The following LRRIQ3 variants were observed in gnomAD, a reference collection of about 807,000 sequenced individuals.
LRRIQ3 encodes leucine rich repeats and IQ motif containing 3.
LRRIQ3 carries 75 observed loss-of-function variants against 59.3 expected under a neutral mutation model. The ratio of observed to expected loss-of-function variants is 1.26; its 90% confidence interval spans 1.05 to 1.53. The LOEUF is 1.53. Among genes scored for constraint, LRRIQ3 ranks in the 40% most tolerant of loss-of-function variants. LRRIQ3 has a pLI of 0.00. For missense variants in LRRIQ3, 831 were observed against 710.0 expected (o/e 1.17, Z -1.94); for synonymous variants, 250 against 231.3 (o/e 1.08, Z -0.73).
chr1:74,169,605 C>T (rs1289204103), intron 3 of LRRIQ3, among the ~76,000 whole-genome samples: 1 of 151,964 alleles, frequency 6.6e-6, no homozygotes, highest in Non-Finnish European at 1.5e-5. Context: ...GGCTGGTGTG[C>T]CACTGGCAAA....
intron 5 of LRRIQ3, among the ~76,000 whole-genome samples, chr1:74,093,670 G>C (rs901971822): frequency 6.6e-6 from 1 of 152,018 alleles, no homozygotes; most frequent in Non-Finnish European, 1.5e-5. Context: ...ACCAGGGCTG[G>C]TATGAAAACT....
intron 6 of LRRIQ3, among the ~76,000 whole-genome samples, chr1:74,047,568 G>A (rs1159666693): frequency 6.6e-6 from 1 of 151,894 alleles, no homozygotes; most frequent in African/African-American, 2.4e-5. Context: ...TTCTGCACAT[G>A]TACCCCAGAA....
intron 5 of LRRIQ3, among the ~76,000 whole-genome samples, chr1:74,092,647 A>T (rs1646407395): frequency 6.6e-6 from 1 of 152,076 alleles, no homozygotes; most frequent in South Asian, 2.1e-4. Context: ...TTTGAGAGAA[A>T]AAAAAATCTG....
At chr1:74,173,387 G>A (rs1329273657) in intron 3 of LRRIQ3, among the ~76,000 whole-genome samples, 1 of 151,158 alleles carries the variant, frequency 6.6e-6, no homozygotes, top group South Asian at 2.1e-4. Flanking sequence ...TAATAGTAAG[G>A]CTAATGATTA....
chr1:74,039,904 T>C (rs1044337398), intron 7 of LRRIQ3, among the ~76,000 whole-genome samples: 1 of 152,096 alleles, frequency 6.6e-6, no homozygotes, highest in African/African-American at 2.4e-5. Flanking sequence ...CCAGATAGCA[T>C]CATGATGACA....
chr1:74,111,827 C>A (rs947980039), intron 4 of LRRIQ3, among the ~76,000 whole-genome samples: 3 of 152,060 alleles, frequency 2.0e-5, no homozygotes, highest in African/African-American at 7.2e-5. Flanking sequence ...AACATAGGAT[C>A]CCTCTACTAC....
intron 4 of LRRIQ3, among the ~76,000 whole-genome samples, chr1:74,114,959 T>A (rs992716417): frequency 5.9e-5 from 9 of 151,976 alleles, no homozygotes; most frequent in African/African-American, 2.2e-4. Flanking sequence ...ATTATATGAT[T>A]AATTTTACAT....
At chr1:74,082,927 T>C (rs1646288803) in intron 5 of LRRIQ3, 1 of 151,644 alleles carries the variant, frequency 6.6e-6, no homozygotes, top group Non-Finnish European at 1.5e-5. Context: ...TTTTAGGATT[T>C]CAGAATATTT....
chr1:74,100,449 G>T (rs977131038), intron 5 of LRRIQ3, among the ~76,000 whole-genome samples: 22 of 152,198 alleles, frequency 1.4e-4, no homozygotes, highest in Non-Finnish European at 2.5e-4. Flanking sequence ...TCATGGATAG[G>T]AAGAATCAAT....
chr1:74,101,998 T>G (rs1182713762), intron 5 of LRRIQ3, among the ~76,000 whole-genome samples: 1 of 151,548 alleles, frequency 6.6e-6, no homozygotes, highest in Admixed American at 6.6e-5. Context: ...ACATGGCACA[T>G]GTATACATAT....
In LRRIQ3 at chr1:74,127,628, C is replaced by CT. The variant is rs1646955400; in HGVS notation, c.708-18076dup. On this transcript the variant is annotated intron_variant, in intron 4 of 7. Coordinates refer to ENST00000354431, the MANE Select transcript of LRRIQ3 (RefSeq NM_001105659.2). ...TTCGACACTGGACTTCATCCTTCTG[C>CT]TTTTTAACTTTTTGTTGCTTCTATT... is the stretch of plus-strand genomic sequence containing the variant. Among the ~76,000 whole-genome samples, 6 of 151,714 alleles carry CT rather than the reference C, an allele frequency of 4.0e-5. 1 individual carries two copies. The South Asian group carries it at 1.2e-3, about 32-fold the overall frequency.
chr1:74,058,850 T>A (rs1307063045), intron 6 of LRRIQ3, among the ~76,000 whole-genome samples: 1 of 152,124 alleles, frequency 6.6e-6, no homozygotes, highest in African/African-American at 2.4e-5. Flanking sequence ...ATAATTATTA[T>A]GTATTAATTA....
intron 1 of LRRIQ3, among the ~76,000 whole-genome samples, chr1:74,184,645 T>A (rs889486289): frequency 8.5e-5 from 13 of 152,136 alleles, no homozygotes; most frequent in African/African-American, 3.1e-4. Context: ...TAAGTGTCAA[T>A]GAATTAATTA....
intron 3 of LRRIQ3, among the ~76,000 whole-genome samples, chr1:74,162,694 ATTTTTATC>A (rs1441255246): frequency 6.6e-6 from 1 of 151,774 alleles, no homozygotes; most frequent in Admixed American, 6.6e-5. Context: ...TACTTATATA[ATTTTTATC>A]TTCCCTACTT....
chr1:74,071,664 A>C (rs2100471022), intron 6 of LRRIQ3, among the ~76,000 whole-genome samples: 1 of 152,228 alleles, frequency 6.6e-6, no homozygotes, highest in East Asian at 1.9e-4. Context: ...TAATTTGATA[A>C]GCCAATCATG....
intron 4 of LRRIQ3, among the ~76,000 whole-genome samples, chr1:74,150,916 G>C (rs1300654396): frequency 6.8e-6 from 1 of 147,314 alleles, no homozygotes; most frequent in South Asian, 2.1e-4. Flanking sequence ...CACCTTATAT[G>C]TTTTAAGAAA....
At chr1:74,156,447 C>CA (rs1648333344) in intron 3 of LRRIQ3, among the ~76,000 whole-genome samples, 1 of 150,976 alleles carries the variant, frequency 6.6e-6, no homozygotes, top group African/African-American at 2.4e-5. Flanking sequence ...AGTAAAAGAA[C>CA]AATAATTAGT....
intron 4 of LRRIQ3, among the ~76,000 whole-genome samples, chr1:74,137,214 T>A (rs1011438710): frequency 3.9e-4 from 59 of 151,892 alleles, no homozygotes; most frequent in Admixed American, 7.9e-4. Flanking sequence ...TTTTTAAAAT[T>A]AAACAATCAA....
chr1:74,093,804 G>A (rs1469636338), intron 5 of LRRIQ3, among the ~76,000 whole-genome samples: 1 of 152,014 alleles, frequency 6.6e-6, no homozygotes, highest in African/African-American at 2.4e-5. Flanking sequence ...ACTGTCTTTT[G>A]GGGACATTTC....
Sources: allele counts gnomAD v4.1 joint callset (sites outside exome capture counted in the v4.1 genomes callset), GRCh38; gene constraint gnomAD v4.1.1; transcripts MANE v1.5; gene names NCBI Gene and HGNC (gene_info 2026-07-23, HGNC 2026-07-21).